DLC1: variants seen among roughly 807,000 people sequenced by gnomAD.
DLC1 encodes rho GTPase-activating protein 7.
Under a neutral mutation model 140.3 loss-of-function variants are expected in DLC1, and 54 were observed. The ratio of observed to expected loss-of-function variants is 0.38; its 90% CI spans 0.31 to 0.48. DLC1 has a LOEUF of 0.48. DLC1 is among the 20% of genes least tolerant of loss of function. The pLI is 0.96. For synonymous variants in DLC1, 986 were observed against 728.1 expected, an observed-to-expected ratio of 1.35 and a Z score of -5.70; for missense variants, 2,536 against 1,907.0, an observed-to-expected ratio of 1.33 and a Z score of -6.14.
At chr8:13,362,808 C>T (rs936404123) in intron 4 of DLC1, among the ~76,000 whole-genome samples, 30 of 152,238 alleles carry the variant, frequency 2.0e-4, no homozygotes, top group South Asian at 8.3e-4. Context: ...GCCTTTGCCC[C>T]GGATATTTCC....
chr8:13,398,691 G>A (rs1462490352), intron 3 of DLC1, among the ~76,000 whole-genome samples: 1 of 152,022 alleles, frequency 6.6e-6, no homozygotes, highest in East Asian at 1.9e-4. Context: ...AAAGGGTGAG[G>A]ACTAGTAGGA....
At position 13,423,790 on chromosome 8, in the gene DLC1, A is replaced by G. The variant is rs533767995; in HGVS notation, c.1024-22171T>C. Among the ~76,000 whole-genome samples the G allele has an allele frequency of 5.3e-5, 8 of 152,288 alleles. 1 individual carries two copies. The South Asian group carries it at 6.2e-4, about 12-fold the overall frequency. On this transcript the variant is annotated intron_variant, in intron 2 of 17. Transcript: ENST00000276297. ...AACAGATCCTGTCACCATTAGTAAT[A>G]AAATAATTCAAAATCCGTGTTCTTC...
At chr8:13,577,733 A>G (rs1481600406) in intron 1 of DLC1, among the ~76,000 whole-genome samples, 2 of 152,120 alleles carry the variant, frequency 1.3e-5, no homozygotes, top group Non-Finnish European at 2.9e-5. Flanking sequence ...CTTGGTATCT[A>G]GGATTTATAT....
chr8:13,130,323 T>A (rs1821974795), intron 5 of DLC1, among the ~76,000 whole-genome samples: 1 of 152,216 alleles, frequency 6.6e-6, no homozygotes, highest in Admixed American at 6.5e-5. Context: ...GTTCTACAAA[T>A]AAGAGTTTAA....
At chr8:13,275,670 A>T (rs916606978) in intron 5 of DLC1, among the ~76,000 whole-genome samples, 2 of 152,210 alleles carry the variant, frequency 1.3e-5, no homozygotes, top group Non-Finnish European at 2.9e-5. Context: ...GAGCACTTGA[A>T]TTGCACCACT....
intron 2 of DLC1, among the ~76,000 whole-genome samples, chr8:13,498,105 A>G (rs1291992237): frequency 6.6e-6 from 1 of 152,194 alleles, no homozygotes; most frequent in Non-Finnish European, 1.5e-5. Flanking sequence ...GAATGTATCA[A>G]GAGAGGGGCA....
At position 13,194,557 on chromosome 8, in the gene DLC1, C is replaced by T. The variant is rs192938772; in HGVS notation, c.1349-78900G>A. Among the ~76,000 whole-genome samples, 632 of 152,336 alleles carry T rather than the reference C, an allele frequency of 4.1e-3. 2 individuals carry two copies. The highest frequency in any genetic ancestry group is 6.6e-3 in the Non-Finnish European group (448 of 68,032). On this transcript the variant is annotated intron_variant, in intron 5 of 17. Transcript: ENST00000276297. The stretch of plus-strand genomic sequence containing the variant: ...ATGCTGTTTGGAAGCTGAGTCAACA[C>T]ACCTGATTTGGAAGAAAGCCACGGG...
At chr8:13,097,758 T>C (rs145519763) in intron 10 of DLC1, among the ~76,000 whole-genome samples, 1 of 152,148 alleles carries the variant, frequency 6.6e-6, no homozygotes, top group Non-Finnish European at 1.5e-5. Flanking sequence ...TACCACGTGA[T>C]GCAAGAGTAA....
chr8:13,539,493 C>A (rs1803412708), intron 1 of DLC1, among the ~76,000 whole-genome samples: 1 of 152,136 alleles, frequency 6.6e-6, no homozygotes, highest in South Asian at 2.1e-4. Context: ...AGCCACTGCA[C>A]CCGCCGCGAA....
chr8:13,292,939 C>T (rs571330176), intron 5 of DLC1, among the ~76,000 whole-genome samples: 7 of 152,250 alleles, frequency 4.6e-5, no homozygotes, highest in African/African-American at 1.7e-4. Flanking sequence ...AACCAAATTG[C>T]AGGCCAGTCA....
rs1818961366 is a variant in DLC1 at position 13,100,456 on chromosome 8, G to A, written c.1881C>T (p.Ser627=). 6.2e-7 allele frequency: 1 copy of A among 1,613,814 alleles called. No individual in the cohort carries two copies. Among genetic ancestry groups the A allele is most frequent in the Non-Finnish European group, 8.5e-7 (1 of 1,180,030 alleles). ...RTNSVISVCS[S]SNLAGNDDSF... is the part of the protein sequence containing the mutation. ...AGTCGTCATTGCCTGCCAAGTTGCT[G>A]GAGGAGCAAACGCTGATGACGGAGT... Residue 627 remains serine, a synonymous_variant, in exon 9 of 18, where the codon TCC becomes TCT. Coordinates refer to ENST00000276297, the MANE Select transcript of DLC1 (RefSeq NM_182643.3).
intron 5 of DLC1, among the ~76,000 whole-genome samples, chr8:13,169,856 C>CT (rs1483582848): frequency 5.8e-4 from 82 of 142,476 alleles, no homozygotes; most frequent in African/African-American, 2.0e-3. Flanking sequence ...AATACCTCAT[C>CT]TAAAAAAAAA....
chr8:13,581,137 C>T (rs1255815299), intron 1 of DLC1, among the ~76,000 whole-genome samples: 1 of 152,218 alleles, frequency 6.6e-6, no homozygotes, highest in Non-Finnish European at 1.5e-5. Context: ...AAGACATCTG[C>T]ATGCCTGGGA....
At chr8:13,149,567 T>C (rs537432322) in intron 5 of DLC1, among the ~76,000 whole-genome samples, 72 of 152,322 alleles carry the variant, frequency 4.7e-4, no homozygotes, top group Non-Finnish European at 7.6e-4. Flanking sequence ...AGGGTCCTTC[T>C]TCCTGGCTCT....
chr8:13,137,267 A>G (rs536637779), intron 5 of DLC1, among the ~76,000 whole-genome samples: 8 of 152,270 alleles, frequency 5.3e-5, no homozygotes, highest in Non-Finnish European at 1.0e-4. Context: ...TGTCTCTGTC[A>G]TACGTTAGAA....
chr8:13,425,816 C>T (rs1452273704), intron 2 of DLC1, among the ~76,000 whole-genome samples: 9 of 152,080 alleles, frequency 5.9e-5, no homozygotes, highest in Non-Finnish European at 2.9e-5. Flanking sequence ...TCACTGTTGC[C>T]TGGGCTGTAG....
At chr8:13,294,900 G>A (rs1246446139) in intron 5 of DLC1, among the ~76,000 whole-genome samples, 2 of 152,158 alleles carry the variant, frequency 1.3e-5, no homozygotes, top group East Asian at 1.9e-4. Context: ...TCATAGGGTC[G>A]CTAGGGGATT....
chr8:13,268,774 G>A (rs907637242), intron 5 of DLC1, among the ~76,000 whole-genome samples: 21 of 152,100 alleles, frequency 1.4e-4, no homozygotes, highest in African/African-American at 4.3e-4. Context: ...TTGGCTCCAT[G>A]AGGGGAAGTG....
chr8:13,388,879 G>T (rs142841860), intron 4 of DLC1, among the ~76,000 whole-genome samples: 1 of 151,950 alleles, frequency 6.6e-6, no homozygotes, highest in African/African-American at 2.4e-5. Flanking sequence ...TTTTTTTATT[G>T]TTCAGTAAAA....
Sources: gnomAD v4.1 joint callset for allele counts (sites outside exome capture counted in the v4.1 genomes callset) on GRCh38, gnomAD v4.1.1 for gene constraint, MANE v1.5 for transcripts, NCBI Gene and HGNC (gene_info 2026-07-23, HGNC 2026-07-21) for gene names.